Variants in PRKAB2 observed in about 807,000 individuals in gnomAD.
PRKAB2 encodes the protein 5'-AMP-activated protein kinase subunit beta-2.
In PRKAB2, 18 loss-of-function variants were observed where a neutral mutation model predicts 29.8. That is an observed-to-expected ratio of 0.60 (90% confidence interval 0.42 to 0.89). The LOEUF is 0.89. Among genes scored for constraint, PRKAB2 ranks in the 40% least tolerant of loss-of-function variants. The pLI is 0.00. For missense variants in PRKAB2, 270 were observed against 344.3 expected (o/e 0.78, Z 1.71); for synonymous variants, 136 against 125.9 (o/e 1.08, Z -0.54).
At position 147,155,727 on chromosome 1, in the gene PRKAB2, T is replaced by C. The variant is rs1287351060; in HGVS notation, c.*3838A>G. ...CAATTCAAGTTAACTCCAACTAATA[T>C]TGGAACTAATAAAAAATTAATTTGT... is the stretch of plus-strand genomic sequence containing the variant. On this transcript the variant is annotated 3_prime_UTR_variant, in exon 8 of 8. Coordinates refer to ENST00000254101, the MANE Select transcript of PRKAB2 (RefSeq NM_005399.5). 3 of 152,558 alleles carry C rather than the reference T, an allele frequency of 2.0e-5. No individual in the cohort carries two copies. Among genetic ancestry groups the C allele is most frequent in the East Asian group, 1.9e-4 (1 of 5,196 alleles). The allele number at this position is 152,558 out of a possible 1,614,324, so 9.5% of individuals were successfully genotyped here.
intron 5 of PRKAB2, among the ~76,000 whole-genome samples, chr1:147,166,134 G>A (rs1171938708): frequency 2.0e-5 from 3 of 152,076 alleles, no homozygotes; most frequent in Admixed American, 6.5e-5. Context: ...CTACACACAT[G>A]TATCGCCTCT....
At chr1:147,167,694 T>G in intron 3 of PRKAB2, 73 bp downstream of exon 3, 1 of 1,515,610 alleles carries the variant, frequency 6.6e-7, no homozygotes, top group East Asian at 2.3e-5. Flanking sequence ...AAAGTCCAGC[T>G]GGGTCTCTCT....
intron 5 of PRKAB2, among the ~76,000 whole-genome samples, chr1:147,163,099 A>G (rs1462458058): frequency 6.6e-6 from 1 of 152,230 alleles, no homozygotes; most frequent in African/African-American, 2.4e-5. Flanking sequence ...AAATGTATGT[A>G]ACTGTCATTA....
At chr1:147,162,121 G>T (rs1420300427) in intron 6 of PRKAB2, among the ~76,000 whole-genome samples, 1 of 152,130 alleles carries the variant, frequency 6.6e-6, no homozygotes, top group Non-Finnish European at 1.5e-5. Context: ...ATAGAGACAT[G>T]AATTATATAC....
chr1:147,159,244 CTATA>C lies in PRKAB2; in HGVS notation c.*317_*320del, dbSNP rs1318379331. 2 of 271,180 alleles carry C rather than the reference CTATA, an allele frequency of 7.4e-6. No homozygotes were observed. Among genetic ancestry groups the C allele is most frequent in the African/African-American group, 4.4e-5 (2 of 45,668 alleles). The allele number at this position is 271,180 out of a possible 1,614,324, so 16.8% of individuals were successfully genotyped here. A position where few individuals can be genotyped will look rare whatever the true frequency, so the allele number is the denominator to read the frequency against. ...TTCTTTCATTTTAGGAAAAATCTTC[CTATA>C]TAGTTATTCCTGCAGCGCCCCCAAA... On this transcript the variant is annotated 3_prime_UTR_variant, in exon 8 of 8. Transcript: ENST00000254101.
chr1:147,159,174 G>A lies in PRKAB2; in HGVS notation c.*391C>T. 1 of 183,920 alleles carries A rather than the reference G, an allele frequency of 5.4e-6. No individual in the cohort carries two copies. Among genetic ancestry groups the A allele is most frequent in the Non-Finnish European group, 1.2e-5 (1 of 86,632 alleles). 11.4% of individuals were successfully genotyped at this position (183,920 alleles called of 1,614,324 possible). A position where few individuals can be genotyped will look rare whatever the true frequency, so the allele number is the denominator to read the frequency against. ...GCCCATTCCTTGGAGAGCCAAGGTA[G>A]CAGTGATAGAATCTCCACCCAACAA... On this transcript the variant is annotated 3_prime_UTR_variant, in exon 8 of 8. Transcript: ENST00000254101.
chr1:147,160,743 T>A (rs1049064507), intron 7 of PRKAB2: 2 of 152,170 alleles, frequency 1.3e-5, no homozygotes, highest in Non-Finnish European at 2.9e-5. Context: ...TAGGAAAGAA[T>A]ATGAAGTCAG....
At chr1:147,161,198 C>G (rs1342595069) in intron 7 of PRKAB2, among the ~76,000 whole-genome samples, 1 of 152,036 alleles carries the variant, frequency 6.6e-6, no homozygotes, top group Non-Finnish European at 1.5e-5. Context: ...TCTAAAGCAG[C>G]AGAAAAACCA....
chr1:147,167,411 C>T (rs375142967), intron 3 of PRKAB2, among the ~76,000 whole-genome samples: 2 of 152,140 alleles, frequency 1.3e-5, no homozygotes, highest in Non-Finnish European at 2.9e-5. Flanking sequence ...AACATGACTA[C>T]CTAAAAATTC....
At chr1:147,167,031 A>C in intron 3 of PRKAB2, 92 bp from the exon 4 acceptor site, 1 of 1,038,156 alleles carries the variant, frequency 9.6e-7, no homozygotes. Context: ...CATATGAATA[A>C]TTTCCCAGAT....
Position 147,172,077 on chromosome 1 carries a change from C to A in PRKAB2, c.68G>T (p.Gly23Val), listed in dbSNP as rs782174803. The A allele has an allele frequency of 6.4e-7, 1 of 1,570,370 alleles. No individual in the cohort carries two copies. The change falls in exon 2 of 8, where the codon GGC becomes GTC. Residue 23 changes from glycine to valine, a missense_variant. Physicochemically the swap from Gly to Val is moderately radical, Grantham distance 109. Around this residue, in one of 2 missense-constraint regions of PRKAB2, gnomAD observed 228 missense variants for 255.5 expected, o/e 0.89. Transcript: ENST00000254101. ...RHGAKAARSE[G>V]AGGHAPGKEH... is the part of the protein sequence containing the mutation. Reference sequence around the variant, plus strand: ...CTTCCCCGGGGCATGGCCGCCTGCGCCCTCGGAGCGTGCAGCCTTGGCGCC... The same window carrying A: ...CTTCCCCGGGGCATGGCCGCCTGCGACCTCGGAGCGTGCAGCCTTGGCGCC...
At chr1:147,167,654 G>A (rs1299659133) in intron 3 of PRKAB2, 113 bp downstream of exon 3, 4 of 1,277,360 alleles carry the variant, frequency 3.1e-6, no homozygotes, top group Non-Finnish European at 4.3e-6. Context: ...AAAAGGGCAT[G>A]TTCTAGAGAC....
intron 2 of PRKAB2, among the ~76,000 whole-genome samples, chr1:147,169,643 A>T (rs1654421129): frequency 6.6e-6 from 1 of 152,208 alleles, no homozygotes; most frequent in Non-Finnish European, 1.5e-5. Flanking sequence ...ACTTGATATA[A>T]TATCTGGGAA....
At chr1:147,165,650 T>C (rs1311571433) in intron 5 of PRKAB2, among the ~76,000 whole-genome samples, 9 of 152,078 alleles carry the variant, frequency 5.9e-5, no homozygotes, top group Non-Finnish European at 5.9e-5. Flanking sequence ...ACTATAGCAA[T>C]TGTAAGCAGA....
rs1047140 is a variant in PRKAB2 at position 147,155,826 on chromosome 1, C to G, written c.*3739G>C. On this transcript the variant is annotated 3_prime_UTR_variant, in exon 8 of 8. Transcript: ENST00000254101. ...CAAAGCCCAAACTAGAATCCTAGAG[C>G]GATTCCATTGCTAAGAATTGGACTC... 0.57 allele frequency: 87,529 copies of G among 152,340 alleles called. 28,007 individuals are homozygous for G. Among genetic ancestry groups the G allele is most frequent in the East Asian group, 0.86 (4,436 of 5,164 alleles). The allele number at this position is 152,340 out of a possible 1,614,324, so 9.4% of individuals were successfully genotyped here.
chr1:147,171,208 T>C (rs1283519583), intron 2 of PRKAB2, among the ~76,000 whole-genome samples: 1 of 152,224 alleles, frequency 6.6e-6, no homozygotes, highest in Non-Finnish European at 1.5e-5. Flanking sequence ...TTCCTGAAAG[T>C]CCTTGGAATT....
intron 6 of PRKAB2, 113 bp downstream of exon 6, chr1:147,162,327 G>T: frequency 9.1e-7 from 1 of 1,104,644 alleles, no homozygotes; most frequent in Non-Finnish European, 1.3e-6. Flanking sequence ...GTATGTGTAT[G>T]ACTTATAATC....
At chr1:147,171,267 G>A (rs1405942327) in intron 2 of PRKAB2, among the ~76,000 whole-genome samples, 2 of 152,128 alleles carry the variant, frequency 1.3e-5, no homozygotes, top group Non-Finnish European at 2.9e-5. Flanking sequence ...TTTTAGCCAC[G>A]CAACATTTTG....
intron 5 of PRKAB2, among the ~76,000 whole-genome samples, chr1:147,163,909 ATATAT>A (rs1265441553): frequency 2.0e-5 from 3 of 151,976 alleles, no homozygotes; most frequent in Admixed American, 1.3e-4. Flanking sequence ...ATGAAGAGAA[ATATAT>A]TATAATATAT....
Sources: allele counts gnomAD v4.1 joint callset (sites outside exome capture counted in the v4.1 genomes callset), GRCh38; gene constraint gnomAD v4.1.1; regional missense constraint gnomAD v4.1.1; transcripts MANE v1.5; gene names NCBI Gene and HGNC (gene_info 2026-07-23, HGNC 2026-07-21).